ZNRF3: variants seen among roughly 807,000 people sequenced by gnomAD.
ZNRF3 encodes the protein E3 ubiquitin-protein ligase ZNRF3.
ZNRF3 carries 23 observed loss-of-function variants against 72.5 expected under a neutral mutation model. The observed-to-expected ratio is 0.32, with a 90% CI of 0.23 to 0.45. The LOEUF (loss-of-function observed/expected upper bound fraction) is 0.45. ZNRF3 is among the 20% of genes least tolerant of loss of function. The probability of loss-of-function intolerance (pLI) is 1.00; values close to 1 mark genes in which losing one functional copy is unlikely to be tolerated. For synonymous variants in ZNRF3, 610 were observed against 545.3 expected (o/e 1.12, Z -1.65); for missense variants, 1,169 against 1,272.1 (o/e 0.92, Z 1.23).
intron 1 of ZNRF3, among the ~76,000 whole-genome samples, chr22:28,975,872 G>A (rs1364612819): frequency 6.6e-6 from 1 of 152,220 alleles, no homozygotes. Flanking sequence ...GAGCCAATTT[G>A]CAGCATGGCC....
chr22:29,044,675 C>T (rs888037133), intron 4 of ZNRF3, 105 bp from the exon 5 acceptor site: 2 of 777,686 alleles, frequency 2.6e-6, no homozygotes, highest in Admixed American at 1.9e-5. Context: ...AGGGGAAACT[C>T]ATCCCGGTCA....
intron 2 of ZNRF3, among the ~76,000 whole-genome samples, chr22:29,007,823 C>A (rs1210025703): frequency 7.4e-6 from 1 of 134,540 alleles, no homozygotes; most frequent in East Asian, 2.3e-4. Flanking sequence ...ATGGTGCGAT[C>A]TCGGCTCACC....
chr22:28,966,615 CAAAA>C (rs970787265), intron 1 of ZNRF3, among the ~76,000 whole-genome samples: 3 of 146,450 alleles, frequency 2.0e-5, no homozygotes, highest in East Asian at 2.0e-4. Context: ...TAATTTTTAA[CAAAA>C]AAAGTTTAAA....
At chr22:28,914,225 G>C (rs937177353) in intron 1 of ZNRF3, among the ~76,000 whole-genome samples, 7 of 152,154 alleles carry the variant, frequency 4.6e-5, no homozygotes, top group Non-Finnish European at 1.0e-4. Flanking sequence ...TGACTCTTAG[G>C]CCTTGAGCTT....
At chr22:28,909,605 A>G (rs886425310) in intron 1 of ZNRF3, among the ~76,000 whole-genome samples, 32 of 152,106 alleles carry the variant, frequency 2.1e-4, no homozygotes, top group Admixed American at 2.0e-3. Flanking sequence ...AATGAATCAG[A>G]TGAAACTTGA....
chr22:29,009,118 G>C (rs2036306756), intron 2 of ZNRF3, among the ~76,000 whole-genome samples: 1 of 152,306 alleles, frequency 6.6e-6, no homozygotes, highest in South Asian at 2.1e-4. Flanking sequence ...GGATCCTTCA[G>C]GTCTTGGCTT....
Position 28,883,645 on chromosome 22 carries a change from C to G in ZNRF3, c.-122C>G. Reference sequence around the variant, plus strand: ...GGGGAGCCGAGCTGAGCCTGCGACCCACAAAGCCGCCGCCGCCGCCGCCGT... The same window carrying G: ...GGGGAGCCGAGCTGAGCCTGCGACCGACAAAGCCGCCGCCGCCGCCGCCGT... On this transcript the variant is annotated 5_prime_UTR_variant, in exon 1 of 9. Coordinates refer to ENST00000544604, the MANE Select transcript of ZNRF3 (RefSeq NM_001206998.2). This position sits in a 1 kb window ranked among gnomAD's most constrained non-coding sequence, Gnocchi z 5.5. 1.1e-6 allele frequency: 1 copy of G among 950,704 alleles called. No homozygotes were observed. The highest frequency in any genetic ancestry group is 1.3e-6 in the Non-Finnish European group (1 of 797,816). The allele number at this position is 950,704 out of a possible 1,614,324, so 58.9% of individuals were successfully genotyped here.
chr22:29,003,923 T>G lies in ZNRF3; in HGVS notation c.426+16722T>G, dbSNP rs140733470. ...CTCTGTCTTTGCTTAGGTTGGGCTT[T>G]CTTTTATGAATAATAGAAAATAAGA... On this transcript the variant is annotated intron_variant, in intron 2 of 8. Transcript: ENST00000544604. 8.8e-3 allele frequency among the ~76,000 whole-genome samples: 1,341 copies of G among 152,386 alleles called. 24 individuals carry two copies. The highest frequency in any genetic ancestry group is 0.031 in the African/African-American group (1,293 of 41,596).
intron 1 of ZNRF3, among the ~76,000 whole-genome samples, chr22:28,901,150 G>A (rs945388812): frequency 2.6e-5 from 4 of 151,838 alleles, no homozygotes; most frequent in African/African-American, 9.7e-5. Context: ...TTTTTTAAAT[G>A]CAGAAAACAT....
At chr22:28,991,489 C>G (rs770992719) in intron 2 of ZNRF3, among the ~76,000 whole-genome samples, 1 of 151,768 alleles carries the variant, frequency 6.6e-6, no homozygotes, top group Non-Finnish European at 1.5e-5. Flanking sequence ...CTCTGTGCAG[C>G]AGGGCTAATG....
At chr22:28,898,711 G>T (rs1360992159) in intron 1 of ZNRF3, among the ~76,000 whole-genome samples, 1 of 152,154 alleles carries the variant, frequency 6.6e-6, no homozygotes, top group Non-Finnish European at 1.5e-5. Flanking sequence ...GGAAGCTCTG[G>T]CATGGGCCTT....
intron 2 of ZNRF3, among the ~76,000 whole-genome samples, chr22:29,029,030 C>T (rs1601685723): frequency 6.6e-6 from 1 of 152,198 alleles, no homozygotes; most frequent in Non-Finnish European, 1.5e-5. Context: ...GCACTGGCAG[C>T]ATGCCCCTCT....
intron 2 of ZNRF3, among the ~76,000 whole-genome samples, chr22:29,001,632 C>T (rs2036150275): frequency 2.0e-5 from 3 of 152,078 alleles, no homozygotes; most frequent in South Asian, 2.1e-4. Context: ...CCATCACGCC[C>T]AGCTAATTTT....
intron 1 of ZNRF3, among the ~76,000 whole-genome samples, chr22:28,953,252 A>G (rs539726309): frequency 6.6e-6 from 1 of 152,268 alleles, no homozygotes; most frequent in South Asian, 2.1e-4. Context: ...ACTTTTCAAA[A>G]CGTATCCTAG....
rs765665910 is a variant in ZNRF3 at position 29,053,587 on chromosome 22, TCTCA to T, written c.2781_2784del (p.His927GlnfsTer28). ...TTCTCTCTCTTTCCCAGGACCGAGA[TCTCA>T]CTCAGCAGACAGCAGCAGCCCGGGA... On this transcript the variant is annotated frameshift_variant, in exon 9 of 9. Transcript: ENST00000544604. LOFTEE classifies it high-confidence loss of function. 1 of 1,612,748 alleles carries T rather than the reference TCTCA, an allele frequency of 6.2e-7. No individual in the cohort carries two copies. Among genetic ancestry groups the T allele is most frequent in the Non-Finnish European group, 8.5e-7 (1 of 1,179,424 alleles).
At chr22:29,002,097 C>G (rs1197264498) in intron 2 of ZNRF3, among the ~76,000 whole-genome samples, 1 of 152,146 alleles carries the variant, frequency 6.6e-6, no homozygotes. Context: ...ACAAAAGTCT[C>G]TATATATATC....
intron 1 of ZNRF3, among the ~76,000 whole-genome samples, chr22:28,923,284 T>G (rs1249652530): frequency 1.3e-5 from 2 of 152,132 alleles, no homozygotes; most frequent in African/African-American, 2.4e-5. Flanking sequence ...GAAGATCCCC[T>G]GATAGAGGTG....
chr22:28,930,046 C>T (rs1316085767), intron 1 of ZNRF3, among the ~76,000 whole-genome samples: 1 of 151,950 alleles, frequency 6.6e-6, no homozygotes, highest in African/African-American at 2.4e-5. Context: ...TTTTTCAAAG[C>T]AGAACAAATA....
intron 2 of ZNRF3, among the ~76,000 whole-genome samples, chr22:29,003,551 T>C (rs1372384009): frequency 2.0e-5 from 3 of 150,090 alleles, no homozygotes; most frequent in Non-Finnish European, 4.4e-5. Flanking sequence ...TGTGCACGCA[T>C]CTCTTAAGAA....
Sources: allele counts gnomAD v4.1 joint callset (sites outside exome capture counted in the v4.1 genomes callset), GRCh38; gene constraint gnomAD v4.1.1; non-coding constraint Gnocchi (gnomAD v3.1); transcripts MANE v1.5; gene names NCBI Gene and HGNC (gene_info 2026-07-23, HGNC 2026-07-21).